Variants in LRRC7 observed in about 807,000 individuals in gnomAD.
LRRC7 encodes leucine rich repeat containing 7.
A neutral mutation model predicts 175.7 loss-of-function variants in LRRC7; 23 were observed. That is an observed-to-expected ratio of 0.13 (90% CI 0.09 to 0.19). LRRC7 has a LOEUF of 0.19. LRRC7 is among the 10% of genes least tolerant of loss of function. The pLI, the probability that LRRC7 is intolerant of heterozygous loss-of-function variation, is 1.00. For synonymous variants in LRRC7, 685 were observed against 680.9 expected, an observed-to-expected ratio of 1.01 and a Z score of -0.09; for missense variants, 1,354 against 1,904.7, an observed-to-expected ratio of 0.71 and a Z score of 5.38.
At chr1:70,009,774 TCAC>T in intron 11 of LRRC7, among the ~76,000 whole-genome samples, 1 of 152,356 alleles carries the variant, frequency 6.6e-6, no homozygotes, top group East Asian at 1.9e-4. Flanking sequence ...ATGCTGTGTT[TCAC>T]CACAACTCAT....
intron 11 of LRRC7, among the ~76,000 whole-genome samples, chr1:70,000,172 A>G (rs1655393818): frequency 6.6e-6 from 1 of 152,214 alleles, no homozygotes; most frequent in Admixed American, 6.5e-5. Context: ...GTTTTATTAT[A>G]AAATGTATAA....
chr1:69,996,596 C>A (rs1163700694), intron 11 of LRRC7, among the ~76,000 whole-genome samples: 2 of 151,850 alleles, frequency 1.3e-5, no homozygotes, highest in Admixed American at 1.3e-4. Flanking sequence ...GGAAGGGATC[C>A]AGTTTCAGCT....
At chr1:69,726,307 A>G (rs1278150292) in intron 2 of LRRC7, among the ~76,000 whole-genome samples, 2 of 152,208 alleles carry the variant, frequency 1.3e-5, no homozygotes, top group Admixed American at 1.3e-4. Flanking sequence ...CTTGAAAGAA[A>G]TTGGATGAAG....
chr1:69,788,461 G>A (rs763211804), intron 3 of LRRC7, among the ~76,000 whole-genome samples: 1 of 152,240 alleles, frequency 6.6e-6, no homozygotes, highest in South Asian at 2.1e-4. Context: ...TAGTGCTGAA[G>A]ACAAATCATA....
chr1:69,671,008 G>T (rs1006464737), intron 1 of LRRC7, among the ~76,000 whole-genome samples: 21 of 152,204 alleles, frequency 1.4e-4, no homozygotes, highest in African/African-American at 4.6e-4. Flanking sequence ...CTTTTCCTCT[G>T]TGGCAAAGCT....
intron 23 of LRRC7, among the ~76,000 whole-genome samples, chr1:70,055,667 T>C (rs1307109277): frequency 6.6e-6 from 1 of 152,136 alleles, no homozygotes; most frequent in East Asian, 1.9e-4. Flanking sequence ...CTTCACGTGA[T>C]GGTAGGACAG....
At chr1:69,625,745 T>C (rs1020401424) in intron 1 of LRRC7, among the ~76,000 whole-genome samples, 1 of 152,110 alleles carries the variant, frequency 6.6e-6, no homozygotes, top group Non-Finnish European at 1.5e-5. Flanking sequence ...GTATTTTGAG[T>C]TCTTCTTTGA....
intron 16 of LRRC7, chr1:70,022,333 C>T (rs1166324361): frequency 6.6e-6 from 1 of 152,124 alleles, no homozygotes; most frequent in Non-Finnish European, 1.5e-5. Context: ...GCATTCTATA[C>T]CGGACTTCTG....
intron 4 of LRRC7, among the ~76,000 whole-genome samples, chr1:69,811,970 C>A (rs1293368136): frequency 1.3e-5 from 2 of 152,016 alleles, no homozygotes; most frequent in Non-Finnish European, 2.9e-5. Flanking sequence ...GTTTCCAGTG[C>A]TTCGCCTCAG....
At chr1:69,843,049 A>G (rs1198581461) in intron 7 of LRRC7, among the ~76,000 whole-genome samples, 6 of 152,048 alleles carry the variant, frequency 3.9e-5, no homozygotes, top group Admixed American at 3.3e-4. Context: ...AAATACAAAA[A>G]GTAGCTAGGC....
At chr1:69,576,309 T>A (rs1179100331) in intron 1 of LRRC7, among the ~76,000 whole-genome samples, 1 of 152,126 alleles carries the variant, frequency 6.6e-6, no homozygotes, top group Non-Finnish European at 1.5e-5. Flanking sequence ...ACATCTGTTA[T>A]GACTTAGTTC....
intron 1 of LRRC7, among the ~76,000 whole-genome samples, chr1:69,583,043 C>T (rs1646262492): frequency 6.6e-6 from 1 of 151,174 alleles, no homozygotes; most frequent in African/African-American, 2.4e-5. Flanking sequence ...TTTGGTTAAA[C>T]AGTTTCTTTC....
rs1304635746 is a variant in LRRC7, at chr1:70,140,769, C to G, written c.*18882C>G. Among the ~76,000 whole-genome samples the G allele has an allele frequency of 6.6e-6, 1 of 152,108 alleles. No homozygotes were observed. The highest frequency in any genetic ancestry group is 1.5e-5 in the Non-Finnish European group (1 of 67,994). On this transcript the variant is annotated 3_prime_UTR_variant, in exon 27 of 27. Coordinates refer to ENST00000651989, the MANE Select transcript of LRRC7 (RefSeq NM_001370785.2). ...CCTGCCCAGTATCTCTTTACTGATA[C>G]AAGTATTCAAAGGCCCTCCTATCCA...
rs774549173 is a variant in LRRC7 at position 70,023,280 on chromosome 1, G to T, written c.1700G>T (p.Gly567Val). 6.8e-6 allele frequency: 11 copies of T among 1,613,404 alleles called. No homozygotes were observed. The South Asian group carries it at 1.2e-4, about 18-fold the overall frequency. ...VPQNDPQLAWGCISGLQQERS... is the reference protein window; with the variant it reads ...VPQNDPQLAWVCISGLQQERS... The stretch of plus-strand genomic sequence containing the variant: ...CAGAATGACCCACAGCTGGCATGGG[G>T]TTGTATAAGTGGCCTCCAGCAGGAA... Residue 567 changes from glycine to valine, a missense_variant, in exon 17 of 27, where the codon GGT becomes GTT. This residue lies in a region of LRRC7 where 1,032 missense variants were observed against 1,227.2 expected (regional missense o/e 0.84). Coordinates refer to ENST00000651989, the MANE Select transcript of LRRC7 (RefSeq NM_001370785.2).
chr1:69,800,212 T>C (rs1025287187), intron 4 of LRRC7, among the ~76,000 whole-genome samples: 3 of 152,008 alleles, frequency 2.0e-5, no homozygotes, highest in Admixed American at 2.0e-4. Flanking sequence ...TCAGAAATGT[T>C]TTGACTATTT....
At chr1:69,799,562 C>T (rs1676216848) in intron 4 of LRRC7, among the ~76,000 whole-genome samples, 3 of 152,152 alleles carry the variant, frequency 2.0e-5, no homozygotes, top group Admixed American at 2.0e-4. Flanking sequence ...GAATTGCAGA[C>T]TAATATTCCA....
intron 21 of LRRC7, among the ~76,000 whole-genome samples, chr1:70,043,359 G>T (rs1426634822): frequency 6.6e-6 from 1 of 152,080 alleles, no homozygotes; most frequent in African/African-American, 2.4e-5. Flanking sequence ...GATTGGTTTA[G>T]CTGAATTAAT....
chr1:69,827,374 T>C (rs887982887), intron 5 of LRRC7, among the ~76,000 whole-genome samples: 8 of 152,184 alleles, frequency 5.3e-5, no homozygotes, highest in Non-Finnish European at 1.0e-4. Context: ...TTATTGGATA[T>C]GTCTAATTCC....
At chr1:69,592,276 A>G (rs1404890650) in intron 1 of LRRC7, among the ~76,000 whole-genome samples, 2 of 152,068 alleles carry the variant, frequency 1.3e-5, no homozygotes, top group African/African-American at 4.8e-5. Flanking sequence ...ATGAAATTAA[A>G]TTTTTACGTA....
Sources: allele counts gnomAD v4.1 joint callset (sites outside exome capture counted in the v4.1 genomes callset), GRCh38; gene constraint gnomAD v4.1.1; regional missense constraint gnomAD v4.1.1; transcripts MANE v1.5; gene names NCBI Gene and HGNC (gene_info 2026-07-23, HGNC 2026-07-21).